The following UNKL variants were observed in gnomAD, a reference collection of about 807,000 sequenced individuals.
The protein encoded by UNKL is unk like zinc finger, also known as putative E3 ubiquitin-protein ligase UNKL.
A neutral mutation model predicts 78.0 loss-of-function variants in UNKL; 60 were observed. That is an observed-to-expected ratio of 0.77 (90% CI 0.63 to 0.95). The LOEUF is 0.95. UNKL is among the 40% of genes least tolerant of loss of function. UNKL has a pLI of 0.00. For synonymous variants in UNKL, 608 were observed against 474.8 expected (o/e 1.28, Z -3.65); for missense variants, 1,159 against 1,045.7 (o/e 1.11, Z -1.49).
intron 11 of UNKL, among the ~76,000 whole-genome samples, chr16:1,370,751 T>C (rs2035745741): frequency 6.6e-6 from 1 of 152,198 alleles, no homozygotes; most frequent in Admixed American, 6.5e-5. Flanking sequence ...AGATACACTT[T>C]TAGGCTGAAT....
chr16:1,384,921 G>A (rs1377391963), intron 10 of UNKL, among the ~76,000 whole-genome samples: 7 of 152,150 alleles, frequency 4.6e-5, no homozygotes, highest in African/African-American at 1.2e-4. Context: ...CAACCTCCCC[G>A]TTCTCAGTCC....
At chr16:1,366,490 C>CA (rs1234449297) in intron 14 of UNKL, 95 bp from the exon 15 acceptor site, 3 of 1,407,130 alleles carry the variant, frequency 2.1e-6, no homozygotes. Flanking sequence ...CTCAGCATCT[C>CA]AGGCCGCCCG....
chr16:1,375,445 G>T (rs926306870), intron 10 of UNKL, among the ~76,000 whole-genome samples: 1 of 152,224 alleles, frequency 6.6e-6, no homozygotes, highest in African/African-American at 2.4e-5. Flanking sequence ...GGGAATTTCC[G>T]GGGCGTGGAG....
At chr16:1,370,927 C>CA in intron 11 of UNKL, among the ~76,000 whole-genome samples, 1 of 151,934 alleles carries the variant, frequency 6.6e-6, no homozygotes, top group South Asian at 2.1e-4. Flanking sequence ...ATTAAAAATA[C>CA]AAAAAATTAG....
At chr16:1,366,994 G>A in intron 14 of UNKL, 98 bp downstream of exon 14, 2 of 1,435,698 alleles carry the variant, frequency 1.4e-6, no homozygotes, top group Non-Finnish European at 1.8e-6. Context: ...CTGGGGCAGG[G>A]GAGGAAGGGG....
chr16:1,390,039 T>C (rs2036980808), intron 9 of UNKL, among the ~76,000 whole-genome samples: 3 of 152,264 alleles, frequency 2.0e-5, no homozygotes, highest in African/African-American at 4.8e-5. Flanking sequence ...CAGGATGCAG[T>C]GCAGTGGCAC....
chr16:1,409,074 G>A (rs2037916046), intron 2 of UNKL, among the ~76,000 whole-genome samples: 1 of 152,040 alleles, frequency 6.6e-6, no homozygotes, highest in African/African-American at 2.4e-5. Flanking sequence ...CCGCCACCAT[G>A]CCCAGCTAAT....
intron 6 of UNKL, chr16:1,394,432 G>C (rs1288902527): frequency 7.2e-6 from 5 of 695,024 alleles, no homozygotes; most frequent in Non-Finnish European, 1.3e-5. Flanking sequence ...CACACATGTG[G>C]GGCCATTCCC....
rs1352831841 is a variant in UNKL, at chr16:1,414,075, C to T, written c.78-20G>A. The T allele has an allele frequency of 7.9e-6, 12 of 1,524,482 alleles. No individual in the cohort carries two copies. Among genetic ancestry groups the T allele is most frequent in the Non-Finnish European group, 1.1e-5 (12 of 1,128,586 alleles). 94.4% of individuals were successfully genotyped at this position (1,524,482 alleles called of 1,614,324 possible). ...AGGTACCTACAAACACAGACAGCGC[C>T]GCGGCTCGCTTCCGGCAGCACCTCC... On this transcript the variant is annotated intron_variant, in intron 1 of 14. Transcript: ENST00000389221.
At position 1,367,702 on chromosome 16, in the gene UNKL, T is replaced by C. The variant is rs1281379176; in HGVS notation, c.1742A>G (p.Lys581Arg). The C allele has an allele frequency of 1.3e-6, 2 of 1,582,116 alleles. No individual in the cohort carries two copies. Among genetic ancestry groups the C allele is most frequent in the Non-Finnish European group, 1.7e-6 (2 of 1,165,156 alleles). ...ARVRRQLDEA[K>R]RKIRQWEESW... ...CTCCTCCCACTGCCGGATCTTCCTCTTGGCCTCGTCCAGCTGCCGCCTGAC... is the reference window on the plus strand; with the variant it reads ...CTCCTCCCACTGCCGGATCTTCCTCCTGGCCTCGTCCAGCTGCCGCCTGAC... Residue 581 changes from lysine to arginine, a missense_variant, in exon 13 of 15, where the codon AAG becomes AGG. Transcript: ENST00000389221.
chr16:1,394,856 C>G (rs960229566), intron 6 of UNKL, among the ~76,000 whole-genome samples: 1 of 152,182 alleles, frequency 6.6e-6, no homozygotes. Context: ...GTCGGGCACC[C>G]GGTGGGGTCC....
At chr16:1,398,798 C>A (rs149761623) in intron 5 of UNKL, 3 of 1,543,912 alleles carry the variant, frequency 1.9e-6, no homozygotes, top group Non-Finnish European at 2.6e-6. Flanking sequence ...AAGCAGGCTG[C>A]GAGGTGCCAA....
In UNKL at chr16:1,366,336, A is replaced by G; in HGVS notation, c.2106T>C (p.Ala702=). The G allele has an allele frequency of 6.2e-7, 1 of 1,604,436 alleles. No homozygotes were observed. The highest frequency in any genetic ancestry group is 8.5e-7 in the Non-Finnish European group (1 of 1,176,436). The change falls in exon 15 of 15, where the codon GCT becomes GCC. Residue 702 remains alanine (A), a synonymous_variant. Transcript: ENST00000389221. Reference sequence around the variant, plus strand: ...TGTGGTGCTGACAGGGCCGCAGGACAGCACCGTGGGCCCGCTCCCGGCAGG... The same window carrying G: ...TGTGGTGCTGACAGGGCCGCAGGACGGCACCGTGGGCCCGCTCCCGGCAGG... ...CVACRERAHG[A]VLRPCQHHIL... is the part of the protein sequence containing the mutation.
chr16:1,367,499 T>TCCCTCCCC (rs2035385211), intron 13 of UNKL, 150 bp from the exon 14 acceptor site: 2 of 101,222 alleles, frequency 2.0e-5, no homozygotes, highest in African/African-American at 3.1e-4. Context: ...CCTCCCTCCC[T>TCCCTCCCC]CCCTCCCTCC....
intron 2 of UNKL, chr16:1,405,981 A>C (rs1263555310): frequency 4.4e-6 from 2 of 456,604 alleles, no homozygotes; most frequent in Non-Finnish European, 8.8e-6. Context: ...AAAATCACCT[A>C]GGAGGCCCGT....
Position 1,374,140 on chromosome 16 carries a change from TGGG to T in UNKL, c.1265-2532_1265-2530del, listed in dbSNP as rs1392396100. ...ACACCGCACAGAGACCTCAGCAGCG[TGGG>T]GCACACCACACAGGGACTGCCGGCC... On this transcript the variant is annotated intron_variant, in intron 10 of 14. Transcript: ENST00000389221. Among the ~76,000 whole-genome samples the T allele has an allele frequency of 7.8e-4, 105 of 133,804 alleles. 16 individuals carry two copies. Among genetic ancestry groups the T allele is most frequent in the Middle Eastern group, 3.7e-3 (1 of 268 alleles). The allele number at this position is 133,804 out of a possible 152,430, so 87.8% of individuals were successfully genotyped here.
At position 1,367,855 on chromosome 16, in the gene UNKL, A is replaced by C. The variant is rs1448252557; in HGVS notation, c.1589T>G (p.Leu530Trp). 3.2e-6 allele frequency: 5 copies of C among 1,564,240 alleles called. 1 individual carries two copies. The South Asian group carries it at 4.7e-5, about 15-fold the overall frequency. ...CCAGATGCTCCCGGGGACACCGTTC[A>C]AACCTGAGTGTGAAACGGTCGATGA... ...SAASSYSPLG[L>W]NGVPGSIWDF... is the part of the protein sequence containing the mutation. The change falls in exon 13 of 15, where the codon TTG becomes TGG. Residue 530 changes from leucine to tryptophan, a missense_variant. Physicochemically the swap from Leu to Trp is moderately conservative, Grantham distance 61 (BLOSUM62 -2). Coordinates refer to ENST00000389221, the MANE Select transcript of UNKL (RefSeq NM_001372107.1).
In UNKL at chr16:1,374,880, T is replaced by G. The variant is rs916641557; in HGVS notation, c.1265-3269A>C. On this transcript the variant is annotated intron_variant, in intron 10 of 14. Coordinates refer to ENST00000389221, the MANE Select transcript of UNKL (RefSeq NM_001372107.1). ...GACAGCTGGGGCCTTTCCAGACATT[T>G]TCAGCATAATCAGCAGGAAAGGCAG... Among the ~76,000 whole-genome samples, 3 of 152,332 alleles carry G rather than the reference T, an allele frequency of 2.0e-5. No individual in the cohort carries two copies. The South Asian group carries it at 6.2e-4, about 32-fold the overall frequency.
intron 10 of UNKL, among the ~76,000 whole-genome samples, chr16:1,372,943 A>G (rs1464263967): frequency 9.4e-5 from 3 of 31,784 alleles, no homozygotes; most frequent in South Asian, 1.5e-3. Context: ...GGGGCACACC[A>G]CACAGGGACT....
Sources: allele counts gnomAD v4.1 joint callset (sites outside exome capture counted in the v4.1 genomes callset), GRCh38; gene constraint gnomAD v4.1.1; transcripts MANE v1.5; gene names NCBI Gene and HGNC (gene_info 2026-07-23, HGNC 2026-07-21).